PFKFB3: variants seen among roughly 807,000 people sequenced by gnomAD.
The protein encoded by PFKFB3 is 6-phosphofructo-2-kinase/fructose-2,6-bisphosphatase 3.
PFKFB3 carries 33 observed loss-of-function variants against 68.0 expected under a neutral mutation model. The ratio of observed to expected loss-of-function variants is 0.49; its 90% CI spans 0.37 to 0.65. The LOEUF (loss-of-function observed/expected upper bound fraction) is 0.65, where lower values mean the gene tolerates loss of function less well. PFKFB3 is among the 30% of genes least tolerant of loss of function. The pLI, the probability that PFKFB3 is intolerant of heterozygous loss-of-function variation, is 0.00. For synonymous variants in PFKFB3, 315 were observed against 288.2 expected, an observed-to-expected ratio of 1.09 and a Z score of -0.94; for missense variants, 586 against 712.2, an observed-to-expected ratio of 0.82 and a Z score of 2.02.
At chr10:6,159,924 A>AT (rs1841924152) in intron 1 of PFKFB3, among the ~76,000 whole-genome samples, 2 of 149,408 alleles carry the variant, frequency 1.3e-5, no homozygotes, top group Admixed American at 1.3e-4. Context: ...ATGCCTGGCT[A>AT]TTGTTTTTTT....
At chr10:6,186,479 C>A (rs1317777832) in intron 1 of PFKFB3, among the ~76,000 whole-genome samples, 1 of 152,234 alleles carries the variant, frequency 6.6e-6, no homozygotes, top group South Asian at 2.1e-4. Flanking sequence ...AGTGCCCCCA[C>A]ATAAAGTGAA....
At chr10:6,188,723 G>A (rs1842937444) in intron 1 of PFKFB3, among the ~76,000 whole-genome samples, 2 of 151,812 alleles carry the variant, frequency 1.3e-5, no homozygotes, top group Admixed American at 6.6e-5. Context: ...CCTTGTGTAA[G>A]TGGAATCATA....
chr10:6,182,576 G>A (rs772759768), intron 1 of PFKFB3, among the ~76,000 whole-genome samples: 1 of 152,250 alleles, frequency 6.6e-6, no homozygotes, highest in Non-Finnish European at 1.5e-5. Flanking sequence ...CAAGTGCAAA[G>A]CTTCCAGCAG....
At position 6,215,454 on chromosome 10, in the gene PFKFB3, C is replaced by G; in HGVS notation, c.299+137C>G. The G allele has an allele frequency of 3.0e-6, 2 of 677,952 alleles. No individual in the cohort carries two copies. The highest frequency in any genetic ancestry group is 3.3e-5 in the South Asian group (2 of 61,084). The allele number at this position is 677,952 out of a possible 1,614,324, so 42.0% of individuals were successfully genotyped here. A position where few individuals can be genotyped will look rare whatever the true frequency, so the allele number is the denominator to read the frequency against. ...GGAATAAGGCTGGGCTGCGGGGCTGCGGGTGTAAGGCTGGGCTGCGGGCTT... is the reference window on the plus strand; with the variant it reads ...GGAATAAGGCTGGGCTGCGGGGCTGGGGGTGTAAGGCTGGGCTGCGGGCTT... On this transcript the variant is annotated intron_variant, in intron 3 of 14. Transcript: ENST00000379775. The surrounding 1 kb of genome is among the most constrained non-coding windows in gnomAD (Gnocchi z 4.3).
chr10:6,236,455 G>A (rs79819513), downstream of PFKFB3, among the ~76,000 whole-genome samples: 672 of 152,262 alleles, frequency 4.4e-3, 9 homozygotes, highest in African/African-American at 0.015. Context: ...CCACTGCTGC[G>A]CTCCAGAAAT....
chr10:6,212,160 C>T (rs968254452), intron 1 of PFKFB3, among the ~76,000 whole-genome samples: 1 of 152,244 alleles, frequency 6.6e-6, no homozygotes. Flanking sequence ...AGGCTAACCA[C>T]GTGGCAGTGA....
At chr10:6,244,084 T>C (rs1296244618) in intron 14 of PFKFB3, among the ~76,000 whole-genome samples, 1 of 152,194 alleles carries the variant, frequency 6.6e-6, no homozygotes, top group Non-Finnish European at 1.5e-5. Flanking sequence ...AGTCTTGAAG[T>C]CCTGGGCTCA....
chr10:6,273,474 G>A, the PFKFB3 span, among the ~76,000 whole-genome samples: 1 of 152,216 alleles, frequency 6.6e-6, no homozygotes, highest in East Asian at 1.9e-4. Context: ...AAACCTTGAG[G>A]GGGCTGTCGG....
intron 14 of PFKFB3, among the ~76,000 whole-genome samples, chr10:6,253,444 T>C (rs113733357): frequency 0.012 from 1,855 of 152,050 alleles, 36 homozygotes; most frequent in African/African-American, 0.042. Flanking sequence ...GGTGAACGAG[T>C]CACCAGGCCA....
the PFKFB3 span, among the ~76,000 whole-genome samples, chr10:6,287,818 TAAG>T: frequency 5.0e-5 from 7 of 141,294 alleles, no homozygotes; most frequent in African/African-American, 6.4e-5. Context: ...TTAGATCAAT[TAAG>T]AATAAGAAAA....
chr10:6,191,676 CAGGT>C (rs1843026279), intron 1 of PFKFB3, among the ~76,000 whole-genome samples: 2 of 152,216 alleles, frequency 1.3e-5, no homozygotes, highest in Non-Finnish European at 2.9e-5. Context: ...ATGGTTTCGA[CAGGT>C]AGGATCTGGC....
At chr10:6,157,344 A>G (rs1841836327) in intron 1 of PFKFB3, among the ~76,000 whole-genome samples, 1 of 151,262 alleles carries the variant, frequency 6.6e-6, no homozygotes, top group African/African-American at 2.4e-5. Flanking sequence ...CTCCTGCCTC[A>G]GCCTCCCGAG....
At chr10:6,163,370 G>A (rs546565565) in intron 1 of PFKFB3, among the ~76,000 whole-genome samples, 5 of 152,258 alleles carry the variant, frequency 3.3e-5, no homozygotes, top group African/African-American at 1.2e-4. Flanking sequence ...TAACAAAAAG[G>A]AACTTTTAAG....
chr10:6,244,597 C>G (rs1846213588), intron 14 of PFKFB3, among the ~76,000 whole-genome samples: 1 of 152,120 alleles, frequency 6.6e-6, no homozygotes, highest in East Asian at 1.9e-4. Flanking sequence ...TGTCGCTATT[C>G]TCTTACACGG....
chr10:6,222,977 G>A lies in PFKFB3; in HGVS notation c.1206G>A (p.Lys402=). 1 of 1,613,374 alleles carries A rather than the reference G, an allele frequency of 6.2e-7. No homozygotes were observed. Among genetic ancestry groups the A allele is most frequent in the Non-Finnish European group, 8.5e-7 (1 of 1,179,604 alleles). The stretch of plus-strand genomic sequence containing the variant: ...GCCTGCTTGCCTACTTCCTGGATAA[G>A]AGTGCAGGTACCTCGGGCAGGTCGT... ...LRCLLAYFLD[K]SAEEMPYLKC... is the part of the protein sequence containing the mutation. The change falls in exon 11 of 15, where the codon AAG becomes AAA. Residue 402 remains lysine (K), a synonymous_variant. Coordinates refer to ENST00000379775, the MANE Select transcript of PFKFB3 (RefSeq NM_004566.4).
At chr10:6,208,619 CA>C (rs1161895421) in intron 1 of PFKFB3, among the ~76,000 whole-genome samples, 1 of 152,100 alleles carries the variant, frequency 6.6e-6, no homozygotes, top group Non-Finnish European at 1.5e-5. Context: ...GTAGCCCCTA[CA>C]GTTTATTTAC....
rs144243977 is a variant in PFKFB3 at position 6,217,136 on chromosome 10, C to T, written c.443C>T (p.Ala148Val). 3.0e-4 allele frequency: 487 copies of T among 1,614,042 alleles called. 2 individuals are homozygous for T. The African/African-American group carries it at 3.3e-3, about 11-fold the overall frequency. Residue 148 changes from alanine to valine, a missense_variant and splice_region_variant, in exon 6 of 15, where the codon GCG becomes GTG. By Grantham distance (64) the Ala-to-Val change is moderately conservative. Coordinates refer to ENST00000379775, the MANE Select transcript of PFKFB3 (RefSeq NM_004566.4). ...LHFAKENDFK[A>V]FFIESVCDDP... ...ACATCCCCACCTCACTTCCACCAGG[C>T]GTTTTTCATCGAGTCGGTGTGCGAC...
intron 14 of PFKFB3, among the ~76,000 whole-genome samples, chr10:6,232,349 A>C (rs889554449): frequency 4.7e-4 from 71 of 151,574 alleles, no homozygotes; most frequent in African/African-American, 1.6e-3. Flanking sequence ...CTTTAACAAC[A>C]CCCCTCTGCC....
intron 1 of PFKFB3, among the ~76,000 whole-genome samples, chr10:6,196,299 T>A (rs959341686): frequency 2.0e-5 from 3 of 151,928 alleles, no homozygotes; most frequent in Non-Finnish European, 4.4e-5. Flanking sequence ...CCCGGCTAAT[T>A]TTTTGTATTA....
Sources: gnomAD v4.1 joint callset for allele counts (sites outside exome capture counted in the v4.1 genomes callset) on GRCh38, gnomAD v4.1.1 for gene constraint, Gnocchi (gnomAD v3.1) non-coding constraint, MANE v1.5 for transcripts, NCBI Gene and HGNC (gene_info 2026-07-23, HGNC 2026-07-21) for gene names.